COL23A1: variants seen among roughly 807,000 people sequenced by gnomAD.
The protein encoded by COL23A1 is collagen type XXIII alpha 1 chain, also known as collagen alpha-1(XXIII) chain.
COL23A1 carries 97 observed loss-of-function variants against 99.3 expected under a neutral mutation model. The ratio of observed to expected loss-of-function variants is 0.98; its 90% CI spans 0.83 to 1.16. COL23A1 has a LOEUF of 1.16. Among genes scored for constraint, COL23A1 ranks in the 50% most tolerant of loss-of-function variants. The probability of loss-of-function intolerance (pLI) is 0.00; values close to 1 mark genes in which losing one functional copy is unlikely to be tolerated. For synonymous variants in COL23A1, 320 were observed against 308.2 expected (o/e 1.04, Z -0.40); for missense variants, 762 against 757.4 (o/e 1.01, Z -0.07).
At chr5:178,545,758 C>T (rs2113385979) in intron 2 of COL23A1, among the ~76,000 whole-genome samples, 1 of 152,254 alleles carries the variant, frequency 6.6e-6, no homozygotes, top group East Asian at 1.9e-4. Context: ...AAGCTGCAGG[C>T]ACAGCTCCCT....
chr5:178,363,965 C>A (rs954057521), intron 2 of COL23A1, among the ~76,000 whole-genome samples: 7 of 152,234 alleles, frequency 4.6e-5, no homozygotes, highest in African/African-American at 1.7e-4. Context: ...CCTAGAACCT[C>A]CCCACACACC....
intron 2 of COL23A1, among the ~76,000 whole-genome samples, chr5:178,455,932 G>A (rs898448095): frequency 6.6e-6 from 1 of 152,156 alleles, no homozygotes; most frequent in Middle Eastern, 3.4e-3. Flanking sequence ...AAACAGGCAA[G>A]AGTAGCTAAG....
At chr5:178,557,558 C>T (rs898598780) in intron 2 of COL23A1, among the ~76,000 whole-genome samples, 11 of 152,158 alleles carry the variant, frequency 7.2e-5, no homozygotes, top group African/African-American at 2.4e-4. Flanking sequence ...CCAGAAGAGC[C>T]GCCCCTCCTC....
chr5:178,562,277 G>T (rs190327651), intron 1 of COL23A1: 3 of 310,878 alleles, frequency 9.7e-6, no homozygotes, highest in Non-Finnish European at 1.9e-5. Context: ...GAATGGAGCC[G>T]CGGGCCGGGC....
chr5:178,321,599 C>A (rs1026074721), intron 2 of COL23A1, among the ~76,000 whole-genome samples: 2 of 147,340 alleles, frequency 1.4e-5, no homozygotes, highest in Admixed American at 1.4e-4. Context: ...ACGCCATTCT[C>A]CTGCCTCAGC....
At chr5:178,482,024 A>T (rs1757368170) in intron 2 of COL23A1, among the ~76,000 whole-genome samples, 1 of 137,488 alleles carries the variant, frequency 7.3e-6, no homozygotes, top group Admixed American at 6.9e-5. Context: ...AGTATAATTA[A>T]AAAAAAAAAA....
intron 2 of COL23A1, among the ~76,000 whole-genome samples, chr5:178,498,724 G>T (rs1709746): frequency 0.39 from 58,494 of 151,906 alleles, 12,438 homozygotes; most frequent in Admixed American, 0.51. Context: ...TTGACAATTG[G>T]ATGATTAAAA....
At chr5:178,245,005 ATCCCTCCACT>A (rs1764595628) in intron 25 of COL23A1, among the ~76,000 whole-genome samples, 2 of 137,484 alleles carry the variant, frequency 1.5e-5, no homozygotes, top group Non-Finnish European at 3.2e-5. Flanking sequence ...CCATCCATCC[ATCCCTCCACT>A]GCCATCATCA....
chr5:178,558,435 C>G (rs764989146), intron 2 of COL23A1, among the ~76,000 whole-genome samples: 1 of 152,138 alleles, frequency 6.6e-6, no homozygotes, highest in Non-Finnish European at 1.5e-5. Flanking sequence ...GTCTTGGGGA[C>G]TTTCAAGCCT....
chr5:178,415,893 G>A lies in COL23A1; in HGVS notation c.362-108974C>T, dbSNP rs1489292117. Among the ~76,000 whole-genome samples the A allele has an allele frequency of 2.6e-5, 4 of 152,148 alleles. No homozygotes were observed. The highest frequency in any genetic ancestry group is 6.5e-5 in the Admixed American group (1 of 15,292). On this transcript the variant is annotated intron_variant, in intron 2 of 28. Coordinates refer to ENST00000390654, the MANE Select transcript of COL23A1 (RefSeq NM_173465.4). This position sits in a 1 kb window ranked among gnomAD's most constrained non-coding sequence, Gnocchi z 4.6. ...CTGGGTGAGGCCAGGGAGGGCTTCC[G>A]AGGGAGGTGATTCCAGGGCTGGATG...
intron 2 of COL23A1, among the ~76,000 whole-genome samples, chr5:178,553,269 G>T (rs1042833101): frequency 1.3e-5 from 2 of 151,840 alleles, no homozygotes; most frequent in Non-Finnish European, 2.9e-5. Flanking sequence ...CTGAATATGA[G>T]CAACTTTTAC....
At chr5:178,301,857 A>G (rs1758052916) in intron 3 of COL23A1, among the ~76,000 whole-genome samples, 2 of 146,398 alleles carry the variant, frequency 1.4e-5, no homozygotes, top group African/African-American at 2.6e-5. Flanking sequence ...CACAGCTTCA[A>G]TGCTGCACCT....
At chr5:178,423,942 G>A (rs1055708805) in intron 2 of COL23A1, among the ~76,000 whole-genome samples, 2 of 152,198 alleles carry the variant, frequency 1.3e-5, no homozygotes, top group Non-Finnish European at 2.9e-5. Flanking sequence ...TAATCCAGGA[G>A]GGCTGAGGAC....
chr5:178,491,464 G>A lies in COL23A1; in HGVS notation c.361+69218C>T, dbSNP rs974305246. Among the ~76,000 whole-genome samples, 33 of 152,128 alleles carry A rather than the reference G, an allele frequency of 2.2e-4. 1 individual carries two copies. Among genetic ancestry groups the A allele is most frequent in the Non-Finnish European group, 1.6e-4 (11 of 68,028 alleles). On this transcript the variant is annotated intron_variant, in intron 2 of 28. Transcript: ENST00000390654. ...TCTGCAGAGGAAGGGAACTGTGCAC[G>A]GTGGAGCCACCCACTGCCTACAGAC...
At chr5:178,294,985 T>C (rs1250635454) in intron 3 of COL23A1, among the ~76,000 whole-genome samples, 3 of 151,880 alleles carry the variant, frequency 2.0e-5, no homozygotes, top group Non-Finnish European at 4.4e-5. Flanking sequence ...TTATTAAAAA[T>C]ACAACAAAAC....
chr5:178,552,695 C>G (rs1159076159), intron 2 of COL23A1, among the ~76,000 whole-genome samples: 2 of 134,416 alleles, frequency 1.5e-5, no homozygotes, highest in Non-Finnish European at 3.1e-5. Flanking sequence ...TCCTAACTCA[C>G]CAAAAAAAAT....
chr5:178,352,049 G>A (rs1275807340), intron 2 of COL23A1: 6 of 152,216 alleles, frequency 3.9e-5, no homozygotes, highest in African/African-American at 9.6e-5. Context: ...GAAACCACCC[G>A]GTCTGTGGGA....
intron 2 of COL23A1, among the ~76,000 whole-genome samples, chr5:178,483,585 T>C (rs1255488729): frequency 6.6e-6 from 1 of 152,256 alleles, no homozygotes; most frequent in Non-Finnish European, 1.5e-5. Context: ...AATAATTACA[T>C]AAAAATATTT....
intron 2 of COL23A1, among the ~76,000 whole-genome samples, chr5:178,461,297 T>C (rs535023450): frequency 5.7e-4 from 87 of 152,334 alleles, no homozygotes; most frequent in Admixed American, 1.2e-3. Context: ...CTGTAATGGC[T>C]GTTTCCACCA....
Sources: gnomAD v4.1 joint callset for allele counts (sites outside exome capture counted in the v4.1 genomes callset) on GRCh38, gnomAD v4.1.1 for gene constraint, Gnocchi (gnomAD v3.1) non-coding constraint, MANE v1.5 for transcripts, NCBI Gene and HGNC (gene_info 2026-07-23, HGNC 2026-07-21) for gene names.